The following ARHGAP20 variants were observed in gnomAD, a reference collection of about 807,000 sequenced individuals.
ARHGAP20 encodes rho GTPase-activating protein 20.
Under a neutral mutation model 73.7 loss-of-function variants are expected in ARHGAP20, and 34 were observed. That is an observed-to-expected ratio of 0.46 (90% CI 0.35 to 0.61). ARHGAP20 has a LOEUF of 0.61. Among genes scored for constraint, ARHGAP20 ranks in the 20% least tolerant of loss-of-function variants. The pLI, the probability that ARHGAP20 is intolerant of heterozygous loss-of-function variation, is 0.00. For synonymous variants in ARHGAP20, 523 were observed against 518.2 expected (o/e 1.01, Z -0.13); for missense variants, 1,314 against 1,420.9 (o/e 0.92, Z 1.21).
intron 9 of ARHGAP20, among the ~76,000 whole-genome samples, chr11:110,594,919 G>A (rs912096295): frequency 5.3e-5 from 8 of 151,912 alleles, no homozygotes; most frequent in African/African-American, 1.9e-4. Context: ...ACCGAATCCA[G>A]CAGCACATCA....
chr11:110,665,315 T>G (rs1282452428), intron 2 of ARHGAP20, among the ~76,000 whole-genome samples: 1 of 151,528 alleles, frequency 6.6e-6, no homozygotes, highest in African/African-American at 2.4e-5. Context: ...GAGAATAAAA[T>G]CCAAAATACA....
In ARHGAP20 at chr11:110,578,104, T is replaced by C; in HGVS notation, c.*1266A>G. 1.0e-6 allele frequency: 1 copy of C among 985,456 alleles called. No individual in the cohort carries two copies. The highest frequency in any genetic ancestry group is 1.2e-6 in the Non-Finnish European group (1 of 829,960). 61.0% of individuals were successfully genotyped at this position (985,456 alleles called of 1,614,324 possible). On this transcript the variant is annotated 3_prime_UTR_variant, in exon 15 of 15. Coordinates refer to ENST00000683387, the MANE Select transcript of ARHGAP20 (RefSeq NM_001384657.1). The stretch of plus-strand genomic sequence containing the variant: ...TTGGCAAGGCCTGATAATCTATTCC[T>C]AGGTGACGAGATGTACTGCTGCAAC...
At chr11:110,661,701 G>A (rs1014092574) in intron 2 of ARHGAP20, among the ~76,000 whole-genome samples, 2 of 151,764 alleles carry the variant, frequency 1.3e-5, no homozygotes, top group African/African-American at 4.8e-5. Context: ...TACTTCACAC[G>A]AATAGATATT....
Position 110,664,707 on chromosome 11 carries a change from G to A in ARHGAP20, c.188+25840C>T, listed in dbSNP as rs535310106. On this transcript the variant is annotated intron_variant, in intron 2 of 14. Coordinates refer to ENST00000683387, the MANE Select transcript of ARHGAP20 (RefSeq NM_001384657.1). The stretch of plus-strand genomic sequence containing the variant: ...TGTGCCACTGCACTCCAGCCTGGGC[G>A]ACAGAGTGAGACTCCGTCTCAAAAA... Among the ~76,000 whole-genome samples the A allele has an allele frequency of 4.1e-4, 54 of 133,088 alleles. 1 individual carries two copies. In the South Asian group the frequency reaches 6.2e-3, roughly 15 times the overall value. 87.3% of individuals were successfully genotyped at this position (133,088 alleles called of 152,430 possible).
intron 2 of ARHGAP20, among the ~76,000 whole-genome samples, chr11:110,646,993 T>C (rs960327994): frequency 6.6e-6 from 1 of 152,130 alleles, no homozygotes; most frequent in Non-Finnish European, 1.5e-5. Context: ...TGGCTAAAAT[T>C]TCTTAAATAA....
At chr11:110,703,403 CTTAAT>C (rs1565486567) in intron 1 of ARHGAP20, among the ~76,000 whole-genome samples, 1 of 152,046 alleles carries the variant, frequency 6.6e-6, no homozygotes, top group Non-Finnish European at 1.5e-5. Flanking sequence ...AGTTCTACCA[CTTAAT>C]TTCTCAGATT....
intron 2 of ARHGAP20, among the ~76,000 whole-genome samples, chr11:110,638,668 C>A (rs549048822): frequency 2.0e-5 from 3 of 151,930 alleles, no homozygotes; most frequent in Non-Finnish European, 2.9e-5. Context: ...TACTATGCAG[C>A]CATAAAAAAT....
chr11:110,601,458 T>A (rs1379608889), intron 9 of ARHGAP20, among the ~76,000 whole-genome samples: 1 of 152,166 alleles, frequency 6.6e-6, no homozygotes, highest in Non-Finnish European at 1.5e-5. Flanking sequence ...CTCTGTTACT[T>A]GTGTGAGCTC....
chr11:110,591,939 C>T, intron 10 of ARHGAP20, 38 bp downstream of exon 10: 1 of 1,601,226 alleles, frequency 6.2e-7, no homozygotes, highest in Non-Finnish European at 8.5e-7. Context: ...TTCCCAAACA[C>T]CCTTTCCCAT....
intron 2 of ARHGAP20, among the ~76,000 whole-genome samples, chr11:110,657,845 A>G (rs1387573936): frequency 6.6e-6 from 1 of 151,824 alleles, no homozygotes; most frequent in Non-Finnish European, 1.5e-5. Flanking sequence ...CAGTGAGCCA[A>G]GATCGTGCCA....
intron 2 of ARHGAP20, among the ~76,000 whole-genome samples, chr11:110,668,461 C>A (rs1949766286): frequency 6.6e-6 from 1 of 151,982 alleles, no homozygotes; most frequent in African/African-American, 2.4e-5. Flanking sequence ...CTAGGCTGGG[C>A]AACATGGCAA....
At chr11:110,666,160 C>CA (rs1371970945) in intron 2 of ARHGAP20, among the ~76,000 whole-genome samples, 2 of 151,936 alleles carry the variant, frequency 1.3e-5, no homozygotes, top group African/African-American at 4.8e-5. Context: ...AAGAATTTGA[C>CA]AAAAATGTGC....
At chr11:110,676,251 T>G (rs1949926754) in intron 2 of ARHGAP20, among the ~76,000 whole-genome samples, 1 of 152,174 alleles carries the variant, frequency 6.6e-6, no homozygotes, top group Non-Finnish European at 1.5e-5. Context: ...ATACATAAAC[T>G]TTGAAGCTGA....
intron 9 of ARHGAP20, among the ~76,000 whole-genome samples, chr11:110,592,689 GGGA>G (rs1269802392): frequency 6.6e-6 from 1 of 152,068 alleles, no homozygotes; most frequent in Non-Finnish European, 1.5e-5. Flanking sequence ...AAGGGAAGAG[GGGA>G]GGAGAAGAAA....
chr11:110,579,337 C>T lies in ARHGAP20; in HGVS notation c.*33G>A. On this transcript the variant is annotated 3_prime_UTR_variant, in exon 15 of 15. Coordinates refer to ENST00000683387, the MANE Select transcript of ARHGAP20 (RefSeq NM_001384657.1). ...ATTGTCTATTATTATTAACCCAGTT[C>T]CTGTTCTTGTGGACATCAGATTCTT... The T allele has an allele frequency of 6.5e-7, 1 of 1,541,818 alleles. No homozygotes were observed. The highest frequency in any genetic ancestry group is 8.8e-7 in the Non-Finnish European group (1 of 1,140,954).
intron 7 of ARHGAP20, 42 bp from the exon 8 acceptor site, chr11:110,609,092 AT>A: frequency 6.4e-7 from 1 of 1,568,848 alleles, no homozygotes; most frequent in Non-Finnish European, 8.7e-7. Flanking sequence ...AATCTTTCAC[AT>A]TTGATACTTG....
intron 4 of ARHGAP20, among the ~76,000 whole-genome samples, chr11:110,616,716 A>G (rs1948492553): frequency 1.4e-5 from 2 of 146,146 alleles, no homozygotes; most frequent in African/African-American, 2.5e-5. Flanking sequence ...TTGAGCATAC[A>G]TTTTCCATCT....
At position 110,578,134 on chromosome 11, in the gene ARHGAP20, A is replaced by G. The variant is rs960725356; in HGVS notation, c.*1236T>C. 5.2e-5 allele frequency: 51 copies of G among 985,348 alleles called. No individual in the cohort carries two copies. Among genetic ancestry groups the G allele is most frequent in the Middle Eastern group, 5.2e-4 (1 of 1,936 alleles). The allele number at this position is 985,348 out of a possible 1,614,324, so 61.0% of individuals were successfully genotyped here. A position where few individuals can be genotyped will look rare whatever the true frequency, so the allele number is the denominator to read the frequency against. ...GACGAGATGTACTGCTGCAACCTTT[A>G]AGTCAAGAAAGCAGAGAAAGAAAGG... On this transcript the variant is annotated 3_prime_UTR_variant, in exon 15 of 15. Transcript: ENST00000683387.
intron 1 of ARHGAP20, among the ~76,000 whole-genome samples, chr11:110,698,845 T>G (rs1950388584): frequency 6.6e-6 from 1 of 151,830 alleles, no homozygotes. Context: ...GTCATTTTTG[T>G]GTAACCTTTC....
Sources: gnomAD v4.1 joint callset for allele counts (sites outside exome capture counted in the v4.1 genomes callset) on GRCh38, gnomAD v4.1.1 for gene constraint, MANE v1.5 for transcripts, NCBI Gene and HGNC (gene_info 2026-07-23, HGNC 2026-07-21) for gene names.